KCNQ1: variants seen among roughly 807,000 people sequenced by gnomAD.
KCNQ1 encodes potassium voltage-gated channel subfamily KQT member 1.
In KCNQ1, 49 loss-of-function variants were observed where a neutral mutation model predicts 72.4. That is an observed-to-expected ratio of 0.68 (90% CI 0.54 to 0.86). The LOEUF (loss-of-function observed/expected upper bound fraction) is 0.86, where lower values mean the gene tolerates loss of function less well. KCNQ1 is among the 40% of genes least tolerant of loss of function. The pLI is 0.00. For synonymous variants in KCNQ1, 450 were observed against 412.6 expected, an observed-to-expected ratio of 1.09 and a Z score of -1.10; for missense variants, 790 against 945.1, an observed-to-expected ratio of 0.84 and a Z score of 2.15.
At chr11:2,700,139 G>T (rs1364396689) in intron 11 of KCNQ1, 2 of 397,364 alleles carry the variant, frequency 5.0e-6, no homozygotes, top group Admixed American at 4.4e-5. Context: ...GATGTGCCGT[G>T]TCCTGTCATT....
At position 2,635,095 on chromosome 11, in the gene KCNQ1, G is replaced by A. The variant is rs554015231; in HGVS notation, c.1394-26866G>A. ...TCTGGATATTAGCCTTTTATCAGATGAGTAGATTGCAAAAAATTTCTCCCA... is the reference window on the plus strand; with the variant it reads ...TCTGGATATTAGCCTTTTATCAGATAAGTAGATTGCAAAAAATTTCTCCCA... On this transcript the variant is annotated intron_variant, in intron 10 of 15. Coordinates refer to ENST00000155840, the MANE Select transcript of KCNQ1 (RefSeq NM_000218.3). 3.9e-5 allele frequency: 6 copies of A among 152,284 alleles called. No homozygotes were observed. In the East Asian group the frequency reaches 1.2e-3, roughly 29 times the overall value. The allele number at this position is 152,284 out of a possible 1,614,324, so 9.4% of individuals were successfully genotyped here.
chr11:2,646,608 C>A (rs1413906735), intron 10 of KCNQ1: 1 of 398,536 alleles, frequency 2.5e-6, no homozygotes, highest in East Asian at 3.6e-5. Flanking sequence ...TCACTGCAAC[C>A]TTCACCTCCG....
In KCNQ1 at chr11:2,564,635, C is replaced by T. The variant is rs1848220508; in HGVS notation, c.478-5993C>T. 6.6e-6 allele frequency among the ~76,000 whole-genome samples: 1 copy of T among 152,172 alleles called. No individual in the cohort carries two copies. Among genetic ancestry groups the T allele is most frequent in the Non-Finnish European group, 1.5e-5 (1 of 68,024 alleles). ...GGAAATATGTTTTACCATCTTAACC[C>T]TTTTTAAGATCACAGTTCCTTGCGA... On this transcript the variant is annotated intron_variant, in intron 2 of 15. Transcript: ENST00000155840. The surrounding 1 kb of genome is among the most constrained non-coding windows in gnomAD (Gnocchi z 4.5).
At position 2,698,011 on chromosome 11, in the gene KCNQ1, A is replaced by G. The variant is rs1225968471; in HGVS notation, c.1514+35930A>G. Reference sequence around the variant, plus strand: ...TTCTCCTACTGAGTATCTGGAAAACAGGTGCAGAAATGGATCATTTGAGAC... The same window carrying G: ...TTCTCCTACTGAGTATCTGGAAAACGGGTGCAGAAATGGATCATTTGAGAC... On this transcript the variant is annotated intron_variant, in intron 11 of 15. Coordinates refer to ENST00000155840, the MANE Select transcript of KCNQ1 (RefSeq NM_000218.3). The surrounding 1 kb of genome is among the most constrained non-coding windows in gnomAD (Gnocchi z 5.1). The G allele has an allele frequency of 2.5e-6, 1 of 398,560 alleles. No individual in the cohort carries two copies. The highest frequency in any genetic ancestry group is 2.1e-5 in the African/African-American group (1 of 48,648). The allele number at this position is 398,560 out of a possible 1,614,324, so 24.7% of individuals were successfully genotyped here.
In KCNQ1 at chr11:2,768,870, T is replaced by C. The variant is rs199472786; in HGVS notation, c.1541T>C (p.Ile514Thr). The change falls in exon 12 of 16, where the codon ATT (isoleucine) becomes ACT (threonine). Residue 514 changes from isoleucine to threonine, a missense_variant. Coordinates refer to ENST00000155840, the MANE Select transcript of KCNQ1 (RefSeq NM_000218.3). The surrounding 1 kb of genome is among the most constrained non-coding windows in gnomAD (Gnocchi z 6.7). ...CTGCGGGAACACCATCGGGCCACCA[T>C]TAAGGTCATTCGACGCATGCAGTAC... ...SQLREHHRAT[I>T]KVIRRMQYFV... 1 of 1,614,038 alleles carries C rather than the reference T, an allele frequency of 6.2e-7. No homozygotes were observed. The highest frequency in any genetic ancestry group is 8.5e-7 in the Non-Finnish European group (1 of 1,179,966).
At chr11:2,465,398 G>T (rs1021593221) in intron 1 of KCNQ1, among the ~76,000 whole-genome samples, 4 of 152,222 alleles carry the variant, frequency 2.6e-5, no homozygotes, top group Non-Finnish European at 5.9e-5. Context: ...CAGCCAGGTG[G>T]CCTTAGGTGA....
intron 11 of KCNQ1, among the ~76,000 whole-genome samples, chr11:2,707,884 C>A (rs2133914215): frequency 6.6e-6 from 1 of 152,312 alleles, no homozygotes; most frequent in East Asian, 1.9e-4. Flanking sequence ...TTTCATGGAG[C>A]ATGGGGGACA....
chr11:2,644,548 A>C (rs746462740), intron 10 of KCNQ1: 41 of 398,230 alleles, frequency 1.0e-4, no homozygotes, highest in Non-Finnish European at 1.1e-4. Flanking sequence ...TCAAGGTTTC[A>C]TCAATTTCTT....
At chr11:2,546,152 GTTTT>G (rs1385905432) in intron 2 of KCNQ1, among the ~76,000 whole-genome samples, 3 of 151,374 alleles carry the variant, frequency 2.0e-5, no homozygotes, top group African/African-American at 7.3e-5. Flanking sequence ...CAAATTTTGT[GTTTT>G]TTTATCCCAT....
intron 10 of KCNQ1, chr11:2,650,215 A>G (rs1849735875): frequency 7.5e-6 from 3 of 398,112 alleles, no homozygotes; most frequent in East Asian, 7.1e-5. Flanking sequence ...TGTATTGTCT[A>G]TTTGTGTTCT....
chr11:2,633,329 C>G, intron 10 of KCNQ1: 3 of 398,488 alleles, frequency 7.5e-6, no homozygotes, highest in Non-Finnish European at 1.3e-5. Context: ...TACAGGATAT[C>G]TCTTAATAGT....
chr11:2,848,094 A>C lies in KCNQ1; in HGVS notation c.*91A>C. On this transcript the variant is annotated 3_prime_UTR_variant, in exon 16 of 16. Transcript: ENST00000155840. ...CTCTCTGAAGGAGGCCACCTCCTAA[A>C]AGGCCCAGAGAGAAGAGCCCCACTC... 3 of 1,078,876 alleles carry C rather than the reference A, an allele frequency of 2.8e-6. No individual in the cohort carries two copies. Among genetic ancestry groups the C allele is most frequent in the Non-Finnish European group, 2.7e-6 (2 of 729,984 alleles). 66.8% of individuals were successfully genotyped at this position (1,078,876 alleles called of 1,614,324 possible).
chr11:2,728,816 C>T (rs1244565614), intron 11 of KCNQ1, among the ~76,000 whole-genome samples: 1 of 152,206 alleles, frequency 6.6e-6, no homozygotes, highest in Non-Finnish European at 1.5e-5. Flanking sequence ...CTCAGCACCC[C>T]AGAGGGCCGG....
chr11:2,452,695 A>G (rs1330042495), intron 1 of KCNQ1, among the ~76,000 whole-genome samples: 3 of 152,236 alleles, frequency 2.0e-5, no homozygotes, highest in Admixed American at 1.3e-4. Context: ...GGATGGCTCA[A>G]ATATTATAAA....
In KCNQ1 at chr11:2,493,104, C is replaced by G. The variant is rs758291866; in HGVS notation, c.387-34824C>G. Among the ~76,000 whole-genome samples, 5 of 152,144 alleles carry G rather than the reference C, an allele frequency of 3.3e-5. No individual in the cohort carries two copies. The highest frequency in any genetic ancestry group is 5.9e-5 in the Non-Finnish European group (4 of 68,020). ...GTTTTGATTTGCATTTCTCTGATGA[C>G]CAGTAATGATTAGCTTTTTTTTCCA... is the stretch of plus-strand genomic sequence containing the variant. On this transcript the variant is annotated intron_variant, in intron 1 of 15. Coordinates refer to ENST00000155840, the MANE Select transcript of KCNQ1 (RefSeq NM_000218.3). This position sits in a 1 kb window ranked among gnomAD's most constrained non-coding sequence, Gnocchi z 5.3.
Position 2,838,554 on chromosome 11 carries a change from C to T in KCNQ1, c.1795-9213C>T, listed in dbSNP as rs900161627. ...TATCTAAGGTCTGCTTGTGGACTTC[C>T]GGGGACAGCGAGGGGTATTGCTGGG... On this transcript the variant is annotated intron_variant, in intron 15 of 15. Coordinates refer to ENST00000155840, the MANE Select transcript of KCNQ1 (RefSeq NM_000218.3). Among the ~76,000 whole-genome samples, 3 of 152,072 alleles carry T rather than the reference C, an allele frequency of 2.0e-5. No individual in the cohort carries two copies. In the South Asian group the frequency reaches 6.2e-4, roughly 31 times the overall value.
intron 2 of KCNQ1, among the ~76,000 whole-genome samples, chr11:2,555,534 T>C (rs1213130729): frequency 6.6e-6 from 1 of 152,206 alleles, no homozygotes; most frequent in Admixed American, 6.5e-5. Flanking sequence ...CTCCGGGCCA[T>C]GGGCTCCCCC....
chr11:2,574,568 C>T (rs1281883084), intron 6 of KCNQ1, among the ~76,000 whole-genome samples: 2 of 152,192 alleles, frequency 1.3e-5, no homozygotes, highest in Non-Finnish European at 2.9e-5. Flanking sequence ...CTTGCTGGCT[C>T]TCGGGACCCC....
At chr11:2,741,884 C>A (rs1441095446) in intron 11 of KCNQ1, among the ~76,000 whole-genome samples, 2 of 152,222 alleles carry the variant, frequency 1.3e-5, no homozygotes, top group Non-Finnish European at 2.9e-5. Context: ...TCTCTGCCAC[C>A]CCAGGCAGGG....
Sources: gnomAD v4.1 joint callset for allele counts (sites outside exome capture counted in the v4.1 genomes callset) on GRCh38, gnomAD v4.1.1 for gene constraint, Gnocchi (gnomAD v3.1) non-coding constraint, MANE v1.5 for transcripts, NCBI Gene and HGNC (gene_info 2026-07-23, HGNC 2026-07-21) for gene names.